The following GCNT1 variants were observed in gnomAD, a reference collection of about 807,000 sequenced individuals.
GCNT1 encodes glucosaminyl (N-acetyl) transferase 1.
Under a neutral mutation model 26.2 loss-of-function variants are expected in GCNT1, and 16 were observed. The ratio of observed to expected loss-of-function variants is 0.61; its 90% CI spans 0.41 to 0.93. The LOEUF (loss-of-function observed/expected upper bound fraction) is 0.93, where lower values mean the gene tolerates loss of function less well. Among genes scored for constraint, GCNT1 ranks in the 40% least tolerant of loss-of-function variants. The pLI is 0.00. For synonymous variants in GCNT1, 183 were observed against 190.8 expected (o/e 0.96, Z 0.34); for missense variants, 477 against 526.7 (o/e 0.91, Z 0.92).
chr9:76,413,634 GT>G, the GCNT1 span, among the ~76,000 whole-genome samples: 2 of 130,630 alleles, frequency 1.5e-5, no homozygotes, highest in South Asian at 2.5e-4. Context: ...TATGCCTAGG[GT>G]TTTTTTTGTT....
At chr9:76,422,649 C>T (rs1046888813) in intron 1 of GCNT1, among the ~76,000 whole-genome samples, 1 of 152,114 alleles carries the variant, frequency 6.6e-6, no homozygotes, top group Non-Finnish European at 1.5e-5. Flanking sequence ...ACCTCCTAGG[C>T]TCAAGTGATC....
rs144321189 is a variant in GCNT1, at chr9:76,472,937, C to T, written c.-290+12760C>T. Among the ~76,000 whole-genome samples, 394 of 152,002 alleles carry T rather than the reference C, an allele frequency of 2.6e-3. 3 individuals are homozygous for T. The highest frequency in any genetic ancestry group is 9.2e-3 in the African/African-American group (381 of 41,484). ...CTAATTTTTGTATTTTTAGAAGAGA[C>T]GGGGTTTCACCACGTTGGCCGGGGT... On this transcript the variant is annotated intron_variant, in intron 2 of 3. Coordinates refer to ENST00000376730, the MANE Select transcript of GCNT1 (RefSeq NM_001490.5).
chr9:76,413,642 T>C, the GCNT1 span, among the ~76,000 whole-genome samples: 1 of 83,856 alleles, frequency 1.2e-5, no homozygotes, highest in Admixed American at 1.2e-4. Context: ...GGGTTTTTTT[T>C]GTTTTGTTTT....
the GCNT1 span, among the ~76,000 whole-genome samples, chr9:76,395,338 T>C: frequency 2.6e-5 from 4 of 152,264 alleles, no homozygotes. Context: ...TCTTTTTTGC[T>C]CTATACATTT....
At chr9:76,424,742 C>G (rs1248498712) in intron 1 of GCNT1, among the ~76,000 whole-genome samples, 1 of 152,168 alleles carries the variant, frequency 6.6e-6, no homozygotes, top group African/African-American at 2.4e-5. Flanking sequence ...GGTGTTAAGA[C>G]AAAGGTGATT....
upstream of GCNT1, among the ~76,000 whole-genome samples, chr9:76,437,618 C>T (rs190893042): frequency 2.0e-5 from 3 of 152,164 alleles, no homozygotes; most frequent in Admixed American, 1.3e-4. Flanking sequence ...TTCTACTATA[C>T]TTGTTTTCAC....
At chr9:76,458,343 T>C (rs1039207204), upstream of GCNT1, among the ~76,000 whole-genome samples, 9 of 151,962 alleles carry the variant, frequency 5.9e-5, no homozygotes, top group Non-Finnish European at 8.8e-5. Flanking sequence ...CCACCACGCC[T>C]GGCTAATTTT....
intron 2 of GCNT1, among the ~76,000 whole-genome samples, chr9:76,477,396 C>T (rs578164992): frequency 2.6e-5 from 4 of 151,770 alleles, no homozygotes; most frequent in South Asian, 2.1e-4. Flanking sequence ...CATGGTGGTG[C>T]GTGCCTGTAG....
intron 1 of GCNT1, among the ~76,000 whole-genome samples, chr9:76,452,030 G>A (rs1193574270): frequency 6.9e-6 from 1 of 145,896 alleles, no homozygotes; most frequent in African/African-American, 2.6e-5. Flanking sequence ...GTGCAATGGT[G>A]TGATCTCGGC....
intron 1 of GCNT1, among the ~76,000 whole-genome samples, chr9:76,423,300 T>C (rs1310913471): frequency 6.6e-6 from 1 of 152,172 alleles, no homozygotes; most frequent in Non-Finnish European, 1.5e-5. Context: ...GGAGGTGTTT[T>C]GGTCATGAGA....
At chr9:76,406,352 T>C in the GCNT1 span, among the ~76,000 whole-genome samples, 5 of 151,812 alleles carry the variant, frequency 3.3e-5, no homozygotes, top group African/African-American at 1.2e-4. Context: ...AAAAATTAGC[T>C]GGGCATGGGT....
At chr9:76,474,626 AG>A (rs1214936325) in intron 2 of GCNT1, among the ~76,000 whole-genome samples, 2 of 152,252 alleles carry the variant, frequency 1.3e-5, no homozygotes, top group Non-Finnish European at 2.9e-5. Context: ...GTTACGTACC[AG>A]AAGAGAACAT....
At chr9:76,497,260 T>C (rs1264750442) in intron 2 of GCNT1, among the ~76,000 whole-genome samples, 4 of 152,226 alleles carry the variant, frequency 2.6e-5, no homozygotes, top group African/African-American at 9.6e-5. Flanking sequence ...TAAAATAGTA[T>C]AGCATGTGCG....
chr9:76,484,302 T>C (rs1306269486), intron 2 of GCNT1, among the ~76,000 whole-genome samples: 4 of 151,790 alleles, frequency 2.6e-5, no homozygotes, highest in African/African-American at 9.7e-5. Context: ...CCCAGGAGTT[T>C]GAGCCTGCAG....
rs1281786470 is a variant in GCNT1, at chr9:76,506,390, A to G, written c.*2722A>G. On this transcript the variant is annotated 3_prime_UTR_variant, in exon 4 of 4. Transcript: ENST00000376730. The stretch of plus-strand genomic sequence containing the variant: ...CCCATCTCTACTGAAAATAGAAAAA[A>G]AAAATTAGCCAGGCTTGCACCTGTA... The G allele has an allele frequency of 1.8e-5, 3 of 166,710 alleles. No homozygotes were observed. The highest frequency in any genetic ancestry group is 4.8e-5 in the African/African-American group (2 of 41,410). 10.3% of individuals were successfully genotyped at this position (166,710 alleles called of 1,614,324 possible). A position where few individuals can be genotyped will look rare whatever the true frequency, so the allele number is the denominator to read the frequency against.
chr9:76,413,653 G>GTTTTTTTTTTTTTTTTTTTTTTT, the GCNT1 span, among the ~76,000 whole-genome samples: 4 of 118,680 alleles, frequency 3.4e-5, no homozygotes, highest in Non-Finnish European at 7.0e-5. Context: ...GTTTTGTTTT[G>GTTTTTTTTTTTTTTTTTTTTTTT]TTTTTTTTTT....
intron 2 of GCNT1, among the ~76,000 whole-genome samples, chr9:76,491,877 G>A (rs1031835667): frequency 1.5e-4 from 23 of 152,180 alleles, no homozygotes; most frequent in African/African-American, 4.3e-4. Flanking sequence ...GTAGGCAGTT[G>A]TCTGATAGCC....
Position 76,442,847 on chromosome 9 carries a change from C to T in GCNT1, c.-290+532C>T, listed in dbSNP as rs1823502207. ...TTCATCAAATATTATTGAGCTCCTC[C>T]TACTTTGAGCCAAGCACTTTTATAG... On this transcript the variant is annotated intron_variant, in intron 1 of 2. Coordinates refer to the GCNT1 transcript ENST00000442371. Among the ~76,000 whole-genome samples, 3 of 151,926 alleles carry T rather than the reference C, an allele frequency of 2.0e-5. No individual in the cohort carries two copies. The South Asian group carries it at 6.2e-4, about 31-fold the overall frequency.
At chr9:76,491,714 G>C (rs1365310834) in intron 2 of GCNT1, among the ~76,000 whole-genome samples, 1 of 152,106 alleles carries the variant, frequency 6.6e-6, no homozygotes, top group South Asian at 2.1e-4. Context: ...ACTTCTAAGA[G>C]ATCCTCTTGG....
Sources: allele counts gnomAD v4.1 joint callset (sites outside exome capture counted in the v4.1 genomes callset), GRCh38; gene constraint gnomAD v4.1.1; transcripts MANE v1.5; gene names NCBI Gene and HGNC (gene_info 2026-07-23, HGNC 2026-07-21).